FGD4: variants seen among roughly 807,000 people sequenced by gnomAD.
FGD4 encodes the protein FYVE, RhoGEF and PH domain containing 4.
In FGD4, 42 loss-of-function variants were observed where a neutral mutation model predicts 102.0. The ratio of observed to expected loss-of-function variants is 0.41; its 90% CI spans 0.32 to 0.53. The LOEUF (loss-of-function observed/expected upper bound fraction) is 0.53. Ranked by LOEUF, FGD4 falls within the 20% of genes least tolerant of loss-of-function variation. The pLI, the probability that FGD4 is intolerant of heterozygous loss-of-function variation, is 0.21. For missense variants in FGD4, 902 were observed against 1,078.2 expected (o/e 0.84, Z 2.29); for synonymous variants, 380 against 375.7 (o/e 1.01, Z -0.13).
chr12:32,449,549 A>G (rs1942711149), intron 1 of FGD4, among the ~76,000 whole-genome samples: 1 of 152,170 alleles, frequency 6.6e-6, no homozygotes, highest in African/African-American at 2.4e-5. Flanking sequence ...TGGGACTGTC[A>G]TAGAACTGAT....
chr12:32,433,653 T>A (rs1347697626), intron 1 of FGD4, among the ~76,000 whole-genome samples: 1 of 152,096 alleles, frequency 6.6e-6, no homozygotes, highest in Non-Finnish European at 1.5e-5. Context: ...TGCATTTTTT[T>A]AATGTAGCTT....
chr12:32,640,574 T>C lies in FGD4; in HGVS notation c.*41T>C, dbSNP rs775893243. The C allele has an allele frequency of 1.2e-6, 2 of 1,612,518 alleles. No individual in the cohort carries two copies. The highest frequency in any genetic ancestry group is 2.2e-5 in the South Asian group (2 of 90,994). On this transcript the variant is annotated 3_prime_UTR_variant, in exon 17 of 17. Transcript: ENST00000534526. ...GCCATGGTGTGGAGGTCTCAGGACTTACAGCTCAAGACATTCCCAGCTCTT... is the reference window on the plus strand; with the variant it reads ...GCCATGGTGTGGAGGTCTCAGGACTCACAGCTCAAGACATTCCCAGCTCTT...
At chr12:32,620,231 A>C (rs1323343258) in intron 11 of FGD4, among the ~76,000 whole-genome samples, 2 of 152,164 alleles carry the variant, frequency 1.3e-5, no homozygotes, top group Non-Finnish European at 2.9e-5. Context: ...ATGTTTATTG[A>C]TGCTTATTAT....
chr12:32,590,309 TAAAAAAAAAAAA>T (rs939160366), intron 4 of FGD4, among the ~76,000 whole-genome samples: 1 of 80,516 alleles, frequency 1.2e-5, no homozygotes, highest in African/African-American at 4.6e-5. Context: ...AGACTTCATC[TAAAAAAAAAAAA>T]AAAAAAAAAG....
chr12:32,427,859 G>A (rs545835631), intron 1 of FGD4, among the ~76,000 whole-genome samples: 2 of 152,206 alleles, frequency 1.3e-5, no homozygotes, highest in East Asian at 3.9e-4. Context: ...TTTAAAGTCT[G>A]TTTTATCAGA....
At chr12:32,500,112 G>T (rs901247006) in intron 1 of FGD4, among the ~76,000 whole-genome samples, 4 of 152,188 alleles carry the variant, frequency 2.6e-5, no homozygotes, top group African/African-American at 9.7e-5. Context: ...CTGGGAGGTG[G>T]TGTAGCGCAA....
At chr12:32,612,376 GTAGCACAAACC>G (rs1467978859) in intron 10 of FGD4, among the ~76,000 whole-genome samples, 1 of 152,198 alleles carries the variant, frequency 6.6e-6, no homozygotes, top group Non-Finnish European at 1.5e-5. Flanking sequence ...ATCTGGGCTG[GTAGCACAAACC>G]AAGCGCAGCC....
intron 1 of FGD4, among the ~76,000 whole-genome samples, chr12:32,542,540 G>A (rs1942925631): frequency 6.6e-6 from 1 of 152,204 alleles, no homozygotes; most frequent in South Asian, 2.1e-4. Flanking sequence ...TGGACCTGCA[G>A]ATAAATTTGT....
intron 1 of FGD4, among the ~76,000 whole-genome samples, chr12:32,495,708 A>AAAGAT (rs79072266): frequency 6.6e-6 from 1 of 150,436 alleles, no homozygotes; most frequent in Non-Finnish European, 1.5e-5. Context: ...AAAAAAAAAA[A>AAAGAT]AAAAGAAGCT....
In FGD4 at chr12:32,625,722, T is replaced by C. The variant is rs2136946087; in HGVS notation, c.2115T>C (p.Cys705=). The change falls in exon 14 of 17, where the codon TGT becomes TGC. Residue 705 remains cysteine, a synonymous_variant. Transcript: ENST00000534526. ...RDNEVTMCMK[C]KEPFNALTRR... ...ATGAAGTGACAATGTGTATGAAATG[T>C]AAAGAACCTTTCAATGCACTGACAC... 1 of 1,614,102 alleles carries C rather than the reference T, an allele frequency of 6.2e-7. No individual in the cohort carries two copies. Among genetic ancestry groups the C allele is most frequent in the Admixed American group, 1.7e-5 (1 of 60,006 alleles).
At chr12:32,510,035 G>A (rs1647388908) in intron 1 of FGD4, among the ~76,000 whole-genome samples, 1 of 152,216 alleles carries the variant, frequency 6.6e-6, no homozygotes, top group Admixed American at 6.5e-5. Context: ...ATGGAACACA[G>A]AAGTCACTTG....
rs542923001 is a variant in FGD4, at chr12:32,468,422, T to C, written c.166+68463T>C. Among the ~76,000 whole-genome samples the C allele has an allele frequency of 2.6e-5, 4 of 152,326 alleles. No homozygotes were observed. The East Asian group carries it at 7.7e-4, about 29-fold the overall frequency. On this transcript the variant is annotated intron_variant, in intron 1 of 16. Transcript: ENST00000534526. ...CAGCTCATGTAGCAGCTTATGATGTTGTTCTAAAAACAGACTTGAGCTCTC... is the reference window on the plus strand; with the variant it reads ...CAGCTCATGTAGCAGCTTATGATGTCGTTCTAAAAACAGACTTGAGCTCTC...
At chr12:32,598,793 TTCTC>T (rs1263601775) in intron 5 of FGD4, among the ~76,000 whole-genome samples, 3 of 152,220 alleles carry the variant, frequency 2.0e-5, no homozygotes, top group Admixed American at 6.5e-5. Flanking sequence ...GAGTAGAGGT[TTCTC>T]TCTATGAATC....
intron 1 of FGD4, among the ~76,000 whole-genome samples, chr12:32,463,503 G>A (rs985569998): frequency 1.3e-5 from 2 of 152,154 alleles, no homozygotes; most frequent in Non-Finnish European, 1.5e-5. Context: ...TTGACTTTGA[G>A]CTTCAGATAT....
At chr12:32,406,551 C>A (rs1940942550) in intron 1 of FGD4, among the ~76,000 whole-genome samples, 1 of 151,124 alleles carries the variant, frequency 6.6e-6, no homozygotes, top group Non-Finnish European at 1.5e-5. Flanking sequence ...TAGACTCCAT[C>A]TCAAAAAAAT....
At chr12:32,474,426 A>C (rs947292270) in intron 1 of FGD4, among the ~76,000 whole-genome samples, 2 of 152,242 alleles carry the variant, frequency 1.3e-5, no homozygotes, top group African/African-American at 4.8e-5. Flanking sequence ...GAAAGAATAA[A>C]GTACTCCTAC....
intron 1 of FGD4, among the ~76,000 whole-genome samples, chr12:32,513,589 T>C (rs925399650): frequency 1.3e-5 from 2 of 152,156 alleles, no homozygotes; most frequent in Non-Finnish European, 2.9e-5. Context: ...AGGAGAAAGA[T>C]GATGAGTCCT....
intron 1 of FGD4, among the ~76,000 whole-genome samples, chr12:32,494,119 G>A (rs781293773): frequency 6.6e-6 from 1 of 152,238 alleles, no homozygotes; most frequent in Non-Finnish European, 1.5e-5. Context: ...GATCAATGCA[G>A]CTTCAAATTC....
At chr12:32,451,612 T>G (rs1420885911) in intron 1 of FGD4, among the ~76,000 whole-genome samples, 1 of 151,798 alleles carries the variant, frequency 6.6e-6, no homozygotes, top group Non-Finnish European at 1.5e-5. Flanking sequence ...GTTTGAAAGT[T>G]ACTACTTAAG....
Sources: gnomAD v4.1 joint callset for allele counts (sites outside exome capture counted in the v4.1 genomes callset) on GRCh38, gnomAD v4.1.1 for gene constraint, MANE v1.5 for transcripts, NCBI Gene and HGNC (gene_info 2026-07-23, HGNC 2026-07-21) for gene names.